NTRK2: variants seen among roughly 807,000 people sequenced by gnomAD.
NTRK2 encodes the protein BDNF/NT-3 growth factors receptor.
A neutral mutation model predicts 94.5 loss-of-function variants in NTRK2; 13 were observed. The ratio of observed to expected loss-of-function variants is 0.14; its 90% confidence interval spans 0.09 to 0.22. NTRK2 has a LOEUF of 0.22. Ranked by LOEUF, NTRK2 falls within the 10% of genes least tolerant of loss-of-function variation. The probability of loss-of-function intolerance (pLI) is 1.00; values close to 1 mark genes in which losing one functional copy is unlikely to be tolerated. For synonymous variants in NTRK2, 372 were observed against 407.4 expected, an observed-to-expected ratio of 0.91 and a Z score of 1.05; for missense variants, 639 against 1,071.2, an observed-to-expected ratio of 0.60 and a Z score of 5.63.
intron 17 of NTRK2, among the ~76,000 whole-genome samples, chr9:84,997,959 C>T (rs1261585553): frequency 2.6e-5 from 4 of 152,166 alleles, no homozygotes; most frequent in Admixed American, 6.5e-5. Context: ...CTGTGATAAC[C>T]GGCTCTCTGT....
intron 16 of NTRK2, among the ~76,000 whole-genome samples, chr9:84,950,265 C>A (rs1334070710): frequency 6.6e-6 from 1 of 152,172 alleles, no homozygotes; most frequent in East Asian, 1.9e-4. Context: ...TGATAAGATG[C>A]AGGAAGTTGG....
rs1373693128 is a variant in NTRK2, at chr9:85,026,135, A to ATAT, written c.*4698_*4699insTAT. ...GCACAAACACAAAGCAAAGCAAAAAAAAAAATATATATATATATATCTGTA... is the reference window on the plus strand; with the variant it reads ...GCACAAACACAAAGCAAAGCAAAAAATATAAAAATATATATATATATATCTGTA... On this transcript the variant is annotated 3_prime_UTR_variant, in exon 19 of 19. Transcript: ENST00000277120. 15 of 207,356 alleles carry ATAT rather than the reference A, an allele frequency of 7.2e-5. No homozygotes were observed. The highest frequency in any genetic ancestry group is 3.3e-4 in the African/African-American group (14 of 41,968). The allele number at this position is 207,356 out of a possible 1,614,324, so 12.8% of individuals were successfully genotyped here.
intron 4 of NTRK2, among the ~76,000 whole-genome samples, chr9:84,706,390 C>T (rs566780245): frequency 1.7e-4 from 26 of 152,134 alleles, no homozygotes; most frequent in African/African-American, 6.3e-4. Flanking sequence ...GGTTGTAATG[C>T]CAGGACTGTG....
intron 12 of NTRK2, among the ~76,000 whole-genome samples, chr9:84,797,660 T>TTATACTATAATAATA (rs2069616593): frequency 2.4e-5 from 1 of 42,274 alleles, no homozygotes; most frequent in Non-Finnish European, 3.8e-5. Context: ...AATATATATA[T>TTATACTATAATAATA]TATATATTAT....
chr9:84,931,440 A>T (rs1173684087), intron 14 of NTRK2, among the ~76,000 whole-genome samples: 1 of 150,292 alleles, frequency 6.7e-6, no homozygotes, highest in Non-Finnish European at 1.5e-5. Flanking sequence ...GAGAGAGAGA[A>T]ATTTATTCCA....
At chr9:84,782,656 G>T (rs1174448037) in intron 12 of NTRK2, among the ~76,000 whole-genome samples, 2 of 152,226 alleles carry the variant, frequency 1.3e-5, no homozygotes, top group African/African-American at 4.8e-5. Context: ...ATTAAGCCGT[G>T]GATATGGCTG....
chr9:84,921,589 C>G (rs1418603668), intron 14 of NTRK2, among the ~76,000 whole-genome samples: 5 of 152,152 alleles, frequency 3.3e-5, no homozygotes, highest in African/African-American at 1.2e-4. Context: ...TTTTATACAG[C>G]CTTTGTCTTT....
At chr9:84,775,107 A>G (rs967808813) in intron 12 of NTRK2, among the ~76,000 whole-genome samples, 1 of 152,192 alleles carries the variant, frequency 6.6e-6, no homozygotes, top group Non-Finnish European at 1.5e-5. Flanking sequence ...TGGGCTGATG[A>G]CAGTCTTAAA....
intron 15 of NTRK2, among the ~76,000 whole-genome samples, chr9:84,948,126 G>A (rs2078661772): frequency 6.6e-6 from 1 of 152,202 alleles, no homozygotes; most frequent in South Asian, 2.1e-4. Context: ...GAGGTAAGCT[G>A]CACATAGCAT....
chr9:84,969,142 T>C (rs1416995455), intron 17 of NTRK2, among the ~76,000 whole-genome samples: 4 of 152,212 alleles, frequency 2.6e-5, no homozygotes, highest in Non-Finnish European at 4.4e-5. Flanking sequence ...TTCCCCAGAT[T>C]CCTAACTGGC....
At chr9:84,691,437 C>G (rs1361135761) in intron 2 of NTRK2, among the ~76,000 whole-genome samples, 3 of 152,146 alleles carry the variant, frequency 2.0e-5, no homozygotes, top group Admixed American at 1.3e-4. Context: ...TTTGCTGAAC[C>G]AGGCTTTGAT....
At chr9:84,734,488 A>G (rs930740214) in intron 9 of NTRK2, among the ~76,000 whole-genome samples, 1 of 152,124 alleles carries the variant, frequency 6.6e-6, no homozygotes, top group African/African-American at 2.4e-5. Flanking sequence ...AGCTTTCTAG[A>G]CTTGGCCCTT....
chr9:84,812,751 C>T (rs935706753), intron 12 of NTRK2: 22 of 1,039,632 alleles, frequency 2.1e-5, no homozygotes, highest in Non-Finnish European at 2.4e-5. Context: ...TAAAGTGTTC[C>T]AGACCCAAAA....
chr9:84,985,507 G>A (rs1046349014), intron 17 of NTRK2, among the ~76,000 whole-genome samples: 4 of 152,182 alleles, frequency 2.6e-5, no homozygotes, highest in Non-Finnish European at 4.4e-5. Context: ...TCTGTTAATC[G>A]CTGGTAGCCT....
At chr9:84,898,759 A>G (rs1181165843) in intron 14 of NTRK2, among the ~76,000 whole-genome samples, 2 of 151,414 alleles carry the variant, frequency 1.3e-5, no homozygotes, top group South Asian at 2.1e-4. Context: ...CTGGAGTGCA[A>G]TGGTGCAATC....
At chr9:84,999,273 G>C (rs1215854015) in intron 17 of NTRK2, among the ~76,000 whole-genome samples, 2 of 152,154 alleles carry the variant, frequency 1.3e-5, no homozygotes, top group Non-Finnish European at 1.5e-5. Flanking sequence ...ACATGCATAA[G>C]ATGCTCAGAG....
At chr9:85,016,373 G>A (rs1832225421) in intron 17 of NTRK2, among the ~76,000 whole-genome samples, 1 of 152,154 alleles carries the variant, frequency 6.6e-6, no homozygotes, top group Admixed American at 6.5e-5. Context: ...TCAACCTGGT[G>A]AGTTTAGTGA....
chr9:84,697,550 C>T (rs1314729440), intron 2 of NTRK2, among the ~76,000 whole-genome samples: 1 of 152,210 alleles, frequency 6.6e-6, no homozygotes, highest in African/African-American at 2.4e-5. Flanking sequence ...GAGTGGTTTT[C>T]TGGGAAAGAG....
chr9:84,696,938 A>G (rs67387913), intron 2 of NTRK2, among the ~76,000 whole-genome samples: 8,795 of 152,182 alleles, frequency 0.058, 385 homozygotes, highest in African/African-American at 0.11. Context: ...CCCTCATAAT[A>G]TGAGGTCCTA....
Sources: gnomAD v4.1 joint callset for allele counts (sites outside exome capture counted in the v4.1 genomes callset) on GRCh38, gnomAD v4.1.1 for gene constraint, MANE v1.5 for transcripts, NCBI Gene and HGNC (gene_info 2026-07-23, HGNC 2026-07-21) for gene names.